KDM2B: variants seen among roughly 807,000 people sequenced by gnomAD.
KDM2B encodes the protein lysine-specific demethylase 2B.
Under a neutral mutation model 150.0 loss-of-function variants are expected in KDM2B, and 26 were observed. That is an observed-to-expected ratio of 0.17 (90% CI 0.13 to 0.24). The LOEUF (loss-of-function observed/expected upper bound fraction) is 0.24, where lower values mean the gene tolerates loss of function less well. Ranked by LOEUF, KDM2B falls within the 10% of genes least tolerant of loss-of-function variation. The pLI, the probability that KDM2B is intolerant of heterozygous loss-of-function variation, is 1.00. For missense variants in KDM2B, 1,265 were observed against 1,816.9 expected (o/e 0.70, Z 5.52); for synonymous variants, 734 against 729.5 (o/e 1.01, Z -0.10).
In KDM2B at chr12:121,574,643, G is replaced by A. The variant is rs781966847; in HGVS notation, c.351-50C>T. 4.5e-6 allele frequency: 7 copies of A among 1,567,722 alleles called. No individual in the cohort carries two copies. The African/African-American group carries it at 9.5e-5, about 21-fold the overall frequency. On this transcript the variant is annotated intron_variant, in intron 3 of 22. Transcript: ENST00000377071. Reference sequence around the variant, plus strand: ...TTGGTGAGAGGCCAGAAACAACAGAGCTAGACTACCCTGGGCCCGGGGGGA... The same window carrying A: ...TTGGTGAGAGGCCAGAAACAACAGAACTAGACTACCCTGGGCCCGGGGGGA...
intron 9 of KDM2B, among the ~76,000 whole-genome samples, chr12:121,515,808 G>A (rs1461923623): frequency 6.6e-6 from 1 of 151,980 alleles, no homozygotes; most frequent in Non-Finnish European, 1.5e-5. Context: ...TGCCTCTGAT[G>A]GATGGAATGC....
chr12:121,507,998 A>T (rs538757060), intron 11 of KDM2B, among the ~76,000 whole-genome samples: 26 of 152,344 alleles, frequency 1.7e-4, no homozygotes, highest in Middle Eastern at 3.4e-3. Context: ...GCAACAGAGT[A>T]ACACCCTGTC....
Position 121,518,364 on chromosome 12 carries a change from C to T in KDM2B, c.1047+2621G>A, listed in dbSNP as rs1174502318. Among the ~76,000 whole-genome samples, 1 of 152,112 alleles carries T rather than the reference C, an allele frequency of 6.6e-6. No homozygotes were observed. Among genetic ancestry groups the T allele is most frequent in the East Asian group, 1.9e-4 (1 of 5,192 alleles). ...TCCTAAGGCATAAACAATTGGGCCT[C>T]GTAGCCAAGTCCCTCTCTCAAGACC... is the stretch of plus-strand genomic sequence containing the variant. On this transcript the variant is annotated intron_variant, in intron 9 of 22. Coordinates refer to ENST00000377071, the MANE Select transcript of KDM2B (RefSeq NM_032590.5). This position sits in a 1 kb window ranked among gnomAD's most constrained non-coding sequence, Gnocchi z 4.4.
intron 12 of KDM2B, among the ~76,000 whole-genome samples, chr12:121,454,842 GTTAC>G (rs1555292426): frequency 6.6e-6 from 1 of 152,122 alleles, no homozygotes; most frequent in Non-Finnish European, 1.5e-5. Context: ...CAGAAGAGCT[GTTAC>G]TATTCATACA....
chr12:121,445,434 G>C lies in KDM2B; in HGVS notation c.1960-16C>G. 6.3e-7 allele frequency: 1 copy of C among 1,578,614 alleles called. No individual in the cohort carries two copies. The highest frequency in any genetic ancestry group is 2.3e-5 in the East Asian group (1 of 43,520). Reference sequence around the variant, plus strand: ...GCAGCACTGGCTGAGGAGCCAGGGAGAACAAGACAAGTCATCAGGGGTGGG... The same window carrying C: ...GCAGCACTGGCTGAGGAGCCAGGGACAACAAGACAAGTCATCAGGGGTGGG... On this transcript the variant is annotated splice_polypyrimidine_tract_variant and intron_variant, in intron 13 of 22. Transcript: ENST00000377071.
intron 12 of KDM2B, among the ~76,000 whole-genome samples, chr12:121,472,433 A>G (rs190462595): frequency 4.9e-4 from 74 of 152,340 alleles, no homozygotes; most frequent in Non-Finnish European, 9.6e-4. Context: ...TCTCTTAAGG[A>G]AATTCCTAAT....
intron 22 of KDM2B, among the ~76,000 whole-genome samples, chr12:121,431,295 C>CTTTTTT (rs71453557): frequency 4.0e-5 from 4 of 98,940 alleles, no homozygotes; most frequent in African/African-American, 9.2e-5. Context: ...CCATGTGCAA[C>CTTTTTT]TTTTTTTTTT....
chr12:121,414,965 G>A, the KDM2B span, among the ~76,000 whole-genome samples: 1 of 152,136 alleles, frequency 6.6e-6, no homozygotes, highest in Non-Finnish European at 1.5e-5. Context: ...GCATGGTGGC[G>A]GATGCCTGTA....
rs1026629291 is a variant in KDM2B at position 121,512,123 on chromosome 12, C to T, written c.1174+1153G>A. Among the ~76,000 whole-genome samples the T allele has an allele frequency of 2.6e-5, 4 of 152,162 alleles. No individual in the cohort carries two copies. The South Asian group carries it at 8.3e-4, about 32-fold the overall frequency. ...TCTCACTCTCCCCAGCCTCTGTCTCCGGGGGATCGTGGAGTTACTGTGATC... is the reference window on the plus strand; with the variant it reads ...TCTCACTCTCCCCAGCCTCTGTCTCTGGGGGATCGTGGAGTTACTGTGATC... On this transcript the variant is annotated intron_variant, in intron 10 of 22. Coordinates refer to ENST00000377071, the MANE Select transcript of KDM2B (RefSeq NM_032590.5).
At chr12:121,414,240 C>T in the KDM2B span, among the ~76,000 whole-genome samples, 2 of 152,204 alleles carry the variant, frequency 1.3e-5, no homozygotes, top group South Asian at 4.1e-4. Flanking sequence ...TTAACTAATA[C>T]CTCAGCTATC....
chr12:121,533,243 G>A lies in KDM2B; in HGVS notation c.778-284C>T, dbSNP rs559266495. On this transcript the variant is annotated intron_variant, in intron 7 of 22. Coordinates refer to ENST00000377071, the MANE Select transcript of KDM2B (RefSeq NM_032590.5). The surrounding 1 kb of genome is among the most constrained non-coding windows in gnomAD (Gnocchi z 4.1). ...GACTGGGTGGGACATGCTTTCTCCCGAACCACAGGCTTGTCTAGGAGGTGG... is the reference window on the plus strand; with the variant it reads ...GACTGGGTGGGACATGCTTTCTCCCAAACCACAGGCTTGTCTAGGAGGTGG... Among the ~76,000 whole-genome samples, 9 of 152,256 alleles carry A rather than the reference G, an allele frequency of 5.9e-5. No individual in the cohort carries two copies. Among genetic ancestry groups the A allele is most frequent in the African/African-American group, 1.7e-4 (7 of 41,536 alleles).
chr12:121,500,527 T>G (rs547086759), intron 11 of KDM2B, among the ~76,000 whole-genome samples: 5 of 152,344 alleles, frequency 3.3e-5, no homozygotes, highest in African/African-American at 1.2e-4. Context: ...AGGCTGGGGC[T>G]TTAATAATCA....
chr12:121,426,094 A>C (rs1434962966), downstream of KDM2B, among the ~76,000 whole-genome samples: 1 of 152,168 alleles, frequency 6.6e-6, no homozygotes, highest in Non-Finnish European at 1.5e-5. Flanking sequence ...TGGTGGTGGC[A>C]AGTCTTTAAA....
In KDM2B at chr12:121,452,982, C is replaced by G; in HGVS notation, c.1959+138G>C. On this transcript the variant is annotated intron_variant, in intron 13 of 22. Coordinates refer to ENST00000377071, the MANE Select transcript of KDM2B (RefSeq NM_032590.5). The surrounding 1 kb of genome is among the most constrained non-coding windows in gnomAD (Gnocchi z 4.4). ...GAAGCGGCCAGCGCCTTCCCGTCCA[C>G]AGGAAGAGCTCTCGGGGAGTCCACA... 1 of 790,598 alleles carries G rather than the reference C, an allele frequency of 1.3e-6. No homozygotes were observed. Among genetic ancestry groups the G allele is most frequent in the Non-Finnish European group, 1.9e-6 (1 of 517,964 alleles). The allele number at this position is 790,598 out of a possible 1,614,324, so 49.0% of individuals were successfully genotyped here.
In KDM2B at chr12:121,520,861, G is replaced by A. The variant is rs1022377206; in HGVS notation, c.1047+124C>T. ...ACAGAACCAGGACTGAAGCCAGCTT[G>A]AGAGAGGAATCGGGAGGGAGAGGGG... On this transcript the variant is annotated intron_variant, in intron 9 of 22. Coordinates refer to ENST00000377071, the MANE Select transcript of KDM2B (RefSeq NM_032590.5). This position sits in a 1 kb window ranked among gnomAD's most constrained non-coding sequence, Gnocchi z 4.5. The A allele has an allele frequency of 3.3e-6, 2 of 597,024 alleles. No homozygotes were observed. The highest frequency in any genetic ancestry group is 3.3e-5 in the East Asian group (1 of 29,938). 37.0% of individuals were successfully genotyped at this position (597,024 alleles called of 1,614,324 possible). A position where few individuals can be genotyped will look rare whatever the true frequency, so the allele number is the denominator to read the frequency against.
rs1891452476 is a variant in KDM2B at position 121,575,695 on chromosome 12, G to A, written c.350+86C>T. Reference sequence around the variant, plus strand: ...GATCCTTCTCAGTGATGAGAGGTGGGAAGAGGGTGGAAGAAATCCATCCCA... The same window carrying A: ...GATCCTTCTCAGTGATGAGAGGTGGAAAGAGGGTGGAAGAAATCCATCCCA... On this transcript the variant is annotated intron_variant, in intron 3 of 22. Transcript: ENST00000377071. This position sits in a 1 kb window ranked among gnomAD's most constrained non-coding sequence, Gnocchi z 4.4. The A allele has an allele frequency of 2.1e-6, 2 of 945,130 alleles. No individual in the cohort carries two copies. The allele number at this position is 945,130 out of a possible 1,614,324, so 58.5% of individuals were successfully genotyped here. A position where few individuals can be genotyped will look rare whatever the true frequency, so the allele number is the denominator to read the frequency against.
At chr12:121,567,062 T>C (rs1555315109) in intron 4 of KDM2B, among the ~76,000 whole-genome samples, 1 of 151,944 alleles carries the variant, frequency 6.6e-6, no homozygotes, top group African/African-American at 2.4e-5. Context: ...TTTTTGTATT[T>C]TTAGTAGAGA....
intron 8 of KDM2B, among the ~76,000 whole-genome samples, chr12:121,529,801 G>A (rs1887473963): frequency 6.6e-6 from 1 of 151,834 alleles, no homozygotes; most frequent in African/African-American, 2.4e-5. Context: ...ATGGTGGCGT[G>A]TACCTGTAAT....
rs1875668050 is a variant in KDM2B at position 121,443,975 on chromosome 12, C to CCAA, written c.2451+34_2451+36dup. On this transcript the variant is annotated intron_variant, in intron 16 of 22. Transcript: ENST00000377071. ...AACCCAGCACCCGGGACCAGCCAGACCAACCCCTTTGCCTCCCAGCCCCTC... is the reference window on the plus strand; with the variant it reads ...AACCCAGCACCCGGGACCAGCCAGACCAACAACCCCTTTGCCTCCCAGCCCCTC... The CCAA allele has an allele frequency of 2.5e-6, 4 of 1,576,086 alleles. No individual in the cohort carries two copies. The East Asian group carries it at 6.7e-5, about 27-fold the overall frequency.
Sources: allele counts gnomAD v4.1 joint callset (sites outside exome capture counted in the v4.1 genomes callset), GRCh38; gene constraint gnomAD v4.1.1; non-coding constraint Gnocchi (gnomAD v3.1); transcripts MANE v1.5; gene names NCBI Gene and HGNC (gene_info 2026-07-23, HGNC 2026-07-21).